ADCY5: variants seen among roughly 807,000 people sequenced by gnomAD.
The protein encoded by ADCY5 is adenylate cyclase 5.
ADCY5 carries 30 observed loss-of-function variants against 119.7 expected under a neutral mutation model. The observed-to-expected ratio is 0.25, with a 90% confidence interval of 0.19 to 0.34. ADCY5 has a LOEUF of 0.34. ADCY5 is among the 10% of genes least tolerant of loss of function. ADCY5 has a pLI of 1.00. For missense variants in ADCY5, 1,324 were observed against 1,775.2 expected (o/e 0.75, Z 4.57); for synonymous variants, 753 against 762.2 (o/e 0.99, Z 0.20).
Position 123,282,928 on chromosome 3 carries a change from G to A in ADCY5, c.*1680C>T, listed in dbSNP as rs184146224. 3 of 152,342 alleles carry A rather than the reference G, an allele frequency of 2.0e-5. No homozygotes were observed. The highest frequency in any genetic ancestry group is 7.2e-5 in the African/African-American group (3 of 41,566). 9.4% of individuals were successfully genotyped at this position (152,342 alleles called of 1,614,324 possible). On this transcript the variant is annotated 3_prime_UTR_variant, in exon 21 of 21. Coordinates refer to ENST00000462833, the MANE Select transcript of ADCY5 (RefSeq NM_183357.3). ...AGAAGCAATGGAAAGATTTGGGCATGGGCCCTAAGGATTCCACTGAATTCT... is the reference window on the plus strand; with the variant it reads ...AGAAGCAATGGAAAGATTTGGGCATAGGCCCTAAGGATTCCACTGAATTCT...
intron 5 of ADCY5, among the ~76,000 whole-genome samples, chr3:123,329,847 C>T (rs1340430788): frequency 6.6e-6 from 1 of 152,200 alleles, no homozygotes; most frequent in African/African-American, 2.4e-5. Context: ...AGCAGAATAC[C>T]TTCACTGAAA....
At chr3:123,434,371 C>T (rs1945571120) in intron 1 of ADCY5, among the ~76,000 whole-genome samples, 1 of 152,164 alleles carries the variant, frequency 6.6e-6, no homozygotes, top group Non-Finnish European at 1.5e-5. Context: ...GGAACAGATC[C>T]AGTCAATCAG....
intron 11 of ADCY5, among the ~76,000 whole-genome samples, chr3:123,316,839 T>G (rs1040112164): frequency 1.3e-5 from 2 of 152,172 alleles, no homozygotes; most frequent in Non-Finnish European, 2.9e-5. Context: ...ATATTGAGGT[T>G]TTTAGGGGTA....
At position 123,347,937 on chromosome 3, in the gene ADCY5, C is replaced by T. The variant is rs761492618; in HGVS notation, c.1285-34G>A. ...GGAAGCACATGCTTTCATCACCACGCCTTCTACCTGCCTGGCAAGTGCTCG... is the reference window on the plus strand; with the variant it reads ...GGAAGCACATGCTTTCATCACCACGTCTTCTACCTGCCTGGCAAGTGCTCG... On this transcript the variant is annotated intron_variant, in intron 2 of 20. Coordinates refer to ENST00000462833, the MANE Select transcript of ADCY5 (RefSeq NM_183357.3). 5 of 1,612,908 alleles carry T rather than the reference C, an allele frequency of 3.1e-6. No homozygotes were observed. The East Asian group carries it at 6.7e-5, about 22-fold the overall frequency.
chr3:123,432,059 C>T (rs903010036), intron 1 of ADCY5, among the ~76,000 whole-genome samples: 1 of 152,162 alleles, frequency 6.6e-6, no homozygotes, highest in South Asian at 2.1e-4. Context: ...TAAGCTCTGA[C>T]GGACTCATTG....
At chr3:123,373,339 T>C (rs886127384) in intron 1 of ADCY5, among the ~76,000 whole-genome samples, 3 of 152,384 alleles carry the variant, frequency 2.0e-5, no homozygotes. Context: ...AGAAGTCCTC[T>C]GTCGCTGGGC....
chr3:123,284,532 G>C lies in ADCY5; in HGVS notation c.*76C>G. ...CTGCGGGCTGGAGCATGGCTTCCCC[G>C]CCACCCCCGGCACACAGAGAAGCTG... On this transcript the variant is annotated 3_prime_UTR_variant, in exon 21 of 21. Coordinates refer to ENST00000462833, the MANE Select transcript of ADCY5 (RefSeq NM_183357.3). 1 of 1,584,972 alleles carries C rather than the reference G, an allele frequency of 6.3e-7. No individual in the cohort carries two copies. Among genetic ancestry groups the C allele is most frequent in the Non-Finnish European group, 8.6e-7 (1 of 1,161,922 alleles).
intron 1 of ADCY5, among the ~76,000 whole-genome samples, chr3:123,368,843 C>A (rs370517877): frequency 4.7e-4 from 72 of 151,830 alleles, no homozygotes; most frequent in African/African-American, 1.6e-3. Context: ...ACATAGCAGG[C>A]CACAATAAAT....
At chr3:123,354,475 A>G (rs1942971262) in intron 1 of ADCY5, among the ~76,000 whole-genome samples, 1 of 152,246 alleles carries the variant, frequency 6.6e-6, no homozygotes, top group South Asian at 2.1e-4. Flanking sequence ...GGCCTGAAGT[A>G]GTAACCAATG....
chr3:123,340,676 G>A (rs1942235297), intron 3 of ADCY5, among the ~76,000 whole-genome samples: 1 of 152,166 alleles, frequency 6.6e-6, no homozygotes, highest in Admixed American at 6.5e-5. Flanking sequence ...ACAATCCCAG[G>A]TAAGGATGTG....
chr3:123,448,861 G>C lies in ADCY5; in HGVS notation c.-316C>G. 1 of 278,718 alleles carries C rather than the reference G, an allele frequency of 3.6e-6. No individual in the cohort carries two copies. Among genetic ancestry groups the C allele is most frequent in the Non-Finnish European group, 6.7e-6 (1 of 149,332 alleles). 17.3% of individuals were successfully genotyped at this position (278,718 alleles called of 1,614,324 possible). A position where few individuals can be genotyped will look rare whatever the true frequency, so the allele number is the denominator to read the frequency against. On this transcript the variant is annotated 5_prime_UTR_variant, in exon 1 of 21. Transcript: ENST00000462833. ...ACGCGGAGAGACGTCCGGGATCCTG[G>C]CTCGCGTCGAGCTCGACGAGGGCCG...
intron 1 of ADCY5, among the ~76,000 whole-genome samples, chr3:123,433,582 T>C (rs373343153): frequency 4.6e-5 from 7 of 152,208 alleles, no homozygotes; most frequent in African/African-American, 1.7e-4. Flanking sequence ...TAAAGGATGC[T>C]GGGGTATTTC....
intron 1 of ADCY5, among the ~76,000 whole-genome samples, chr3:123,429,832 T>G (rs1363682302): frequency 6.6e-6 from 1 of 152,122 alleles, no homozygotes; most frequent in Non-Finnish European, 1.5e-5. Flanking sequence ...CACACTCTGC[T>G]GGGGAAGAGG....
chr3:123,386,092 T>G (rs1461982184), intron 1 of ADCY5, among the ~76,000 whole-genome samples: 1 of 152,020 alleles, frequency 6.6e-6, no homozygotes, highest in Non-Finnish European at 1.5e-5. Flanking sequence ...AAGATGCAGC[T>G]CTCCTCAGAA....
intron 1 of ADCY5, among the ~76,000 whole-genome samples, chr3:123,438,927 T>C (rs543204529): frequency 1.3e-5 from 2 of 151,798 alleles, no homozygotes; most frequent in African/African-American, 4.8e-5. Flanking sequence ...TTTTAAAAAA[T>C]TTTTTGTAGA....
At chr3:123,398,522 T>C (rs2107603946) in intron 1 of ADCY5, among the ~76,000 whole-genome samples, 1 of 152,312 alleles carries the variant, frequency 6.6e-6, no homozygotes, top group Admixed American at 6.5e-5. Context: ...GCAGGGCCAC[T>C]ACCACAGGGA....
intron 1 of ADCY5, among the ~76,000 whole-genome samples, chr3:123,393,599 ATAAAAT>A (rs1431879945): frequency 1.3e-5 from 2 of 151,812 alleles, no homozygotes; most frequent in African/African-American, 4.8e-5. Context: ...ATAAAATAAA[ATAAAAT>A]GAGGGTGTGA....
At chr3:123,399,432 G>A (rs1944694559) in intron 1 of ADCY5, among the ~76,000 whole-genome samples, 1 of 152,126 alleles carries the variant, frequency 6.6e-6, no homozygotes, top group Admixed American at 6.6e-5. Flanking sequence ...CCACCGAAGG[G>A]TGTAATGAGC....
intron 1 of ADCY5, among the ~76,000 whole-genome samples, chr3:123,426,623 G>A (rs1000394846): frequency 6.6e-6 from 1 of 152,172 alleles, no homozygotes; most frequent in Non-Finnish European, 1.5e-5. Context: ...GAGCCACTGC[G>A]CCTGGCCAGA....
Sources: gnomAD v4.1 joint callset for allele counts (sites outside exome capture counted in the v4.1 genomes callset) on GRCh38, gnomAD v4.1.1 for gene constraint, MANE v1.5 for transcripts, NCBI Gene and HGNC (gene_info 2026-07-23, HGNC 2026-07-21) for gene names.